Variants in PLEKHM2 observed in about 807,000 individuals in gnomAD.
PLEKHM2 encodes the protein pleckstrin homology domain-containing family M member 2.
In PLEKHM2, 77 loss-of-function variants were observed where a neutral mutation model predicts 116.3. That is an observed-to-expected ratio of 0.66 (90% CI 0.55 to 0.80). PLEKHM2 has a LOEUF of 0.80. PLEKHM2 is among the 30% of genes least tolerant of loss of function. PLEKHM2 has a pLI of 0.00. For missense variants in PLEKHM2, 1,183 were observed against 1,354.9 expected (o/e 0.87, Z 1.99); for synonymous variants, 562 against 571.0 (o/e 0.98, Z 0.22).
upstream of PLEKHM2, among the ~76,000 whole-genome samples, chr1:15,684,128 G>A (rs1391062654): frequency 2.0e-5 from 3 of 150,472 alleles, no homozygotes; most frequent in Non-Finnish European, 3.0e-5. Flanking sequence ...CGTCCCTGGG[G>A]TCTGAGGGTG....
intron 15 of PLEKHM2, 67 bp from the exon 16 acceptor site, chr1:15,731,125 G>A: frequency 8.4e-7 from 1 of 1,190,780 alleles, no homozygotes; most frequent in Non-Finnish European, 1.2e-6. Context: ...GGAACCCTGG[G>A]ACCTGGGCTC....
intron 1 of PLEKHM2, among the ~76,000 whole-genome samples, chr1:15,694,706 C>A (rs1331650525): frequency 1.3e-5 from 2 of 151,998 alleles, no homozygotes; most frequent in Admixed American, 1.3e-4. Flanking sequence ...GCCAGTGAAG[C>A]AGGTGGCCCT....
rs1444303658 is a variant in PLEKHM2, at chr1:15,719,700, C to T, written c.466-34C>T. Reference sequence around the variant, plus strand: ...TGCAGAAGGCCGCTGCACGAGGCCTCCCACCAAACGGGCCTCCTCTACTCT... The same window carrying T: ...TGCAGAAGGCCGCTGCACGAGGCCTTCCACCAAACGGGCCTCCTCTACTCT... On this transcript the variant is annotated intron_variant, in intron 5 of 19. Coordinates refer to ENST00000375799, the MANE Select transcript of PLEKHM2 (RefSeq NM_015164.4). This position sits in a 1 kb window ranked among gnomAD's most constrained non-coding sequence, Gnocchi z 4.1. The T allele has an allele frequency of 4.6e-6, 7 of 1,537,304 alleles. No homozygotes were observed. The highest frequency in any genetic ancestry group is 6.3e-6 in the Non-Finnish European group (7 of 1,116,118).
rs1553158443 is a variant in PLEKHM2 at position 15,701,129 on chromosome 1, A to AG, written c.61-15103dup. ...ACTCTGTCTCAAAAAAAAAAAAAAA[A>AG]GGGGGTGGGGGTATGTTATTAGCTG... On this transcript the variant is annotated intron_variant, in intron 1 of 19. Transcript: ENST00000375799. 1.3e-3 allele frequency among the ~76,000 whole-genome samples: 175 copies of AG among 136,344 alleles called. 1 individual carries two copies. Among genetic ancestry groups the AG allele is most frequent in the African/African-American group, 4.0e-3 (143 of 36,136 alleles). The allele number at this position is 136,344 out of a possible 152,430, so 89.4% of individuals were successfully genotyped here. A position where few individuals can be genotyped will look rare whatever the true frequency, so the allele number is the denominator to read the frequency against.
rs369874310 is a variant in PLEKHM2 at position 15,725,364 on chromosome 1, G to A, written c.760G>A (p.Asp254Asn). ...CAGTGGTCCCCGCTCCACAGCCTCC[G>A]ACCTGACCAGCAGCAAGGCCTCCAC... Reference protein sequence around the residue: ...TVSGPRSTASDLTSSKASTRS... With the variant: ...TVSGPRSTASNLTSSKASTRS... The change falls in exon 8 of 20, where the codon GAC becomes AAC. Residue 254 changes from aspartate (D) to asparagine (N), a missense_variant. Asp to Asn is a conservative substitution (Grantham distance 23). Transcript: ENST00000375799. 29 of 1,551,476 alleles carry A rather than the reference G, an allele frequency of 1.9e-5. No homozygotes were observed. Among genetic ancestry groups the A allele is most frequent in the African/African-American group, 1.2e-4 (9 of 73,152 alleles).
chr1:15,684,938 C>T (rs1640737992), intron 1 of PLEKHM2, among the ~76,000 whole-genome samples: 2 of 152,218 alleles, frequency 1.3e-5, no homozygotes, highest in South Asian at 2.1e-4. Context: ...CCGGGAGCTC[C>T]TGAAGGAACC....
chr1:15,718,068 C>A, intron 4 of PLEKHM2, 76 bp downstream of exon 4: 2 of 896,582 alleles, frequency 2.2e-6, no homozygotes, highest in Non-Finnish European at 3.6e-6. Context: ...TCTTGTCATG[C>A]AGACAGCACA....
At chr1:15,732,783 C>T in intron 19 of PLEKHM2, 55 bp downstream of exon 19, 1 of 1,219,158 alleles carries the variant, frequency 8.2e-7, no homozygotes, top group Non-Finnish European at 1.2e-6. Context: ...GTGGGAGCCA[C>T]TCCCCGGGGA....
At chr1:15,686,647 A>ATTTTT (rs1361252513) in intron 1 of PLEKHM2, among the ~76,000 whole-genome samples, 1,431 of 140,746 alleles carry the variant, frequency 0.01, 57 homozygotes, top group African/African-American at 0.028. Context: ...CACCCGGCTA[A>ATTTTT]ATTTTTTTTT....
At chr1:15,711,788 A>G (rs1641336100) in intron 1 of PLEKHM2, among the ~76,000 whole-genome samples, 1 of 152,070 alleles carries the variant, frequency 6.6e-6, no homozygotes, top group South Asian at 2.1e-4. Flanking sequence ...CGGGGGGGAA[A>G]ATAATATATA....
Position 15,734,071 on chromosome 1 carries a change from C to A in PLEKHM2, c.*137C>A. On this transcript the variant is annotated 3_prime_UTR_variant, in exon 20 of 20. Transcript: ENST00000375799. ...TGGGCGGCAGAACCACCGAGTGTGG[C>A]TTAAGACAGGGTCCCTCCACTCCAG... 1.0e-6 allele frequency: 1 copy of A among 971,962 alleles called. No individual in the cohort carries two copies. Among genetic ancestry groups the A allele is most frequent in the Non-Finnish European group, 1.5e-6 (1 of 677,738 alleles). 60.2% of individuals were successfully genotyped at this position (971,962 alleles called of 1,614,324 possible).
At chr1:15,687,860 A>G (rs1640804672) in intron 1 of PLEKHM2, among the ~76,000 whole-genome samples, 2 of 152,088 alleles carry the variant, frequency 1.3e-5, no homozygotes, top group Admixed American at 6.6e-5. Flanking sequence ...GCATCCTACC[A>G]CCAGTAAATG....
At position 15,728,904 on chromosome 1, in the gene PLEKHM2, T is replaced by C. The variant is rs1246909050; in HGVS notation, c.1986+171T>C. ...ACGATGCTGGGGGTAAGAACCAAGC[T>C]TGAGGTTGCCTCTTCCCGTGCTAGA... On this transcript the variant is annotated intron_variant, in intron 12 of 19. Transcript: ENST00000375799. The surrounding 1 kb of genome is among the most constrained non-coding windows in gnomAD (Gnocchi z 5.9). 2.6e-5 allele frequency among the ~76,000 whole-genome samples: 4 copies of C among 152,174 alleles called. No individual in the cohort carries two copies. Among genetic ancestry groups the C allele is most frequent in the Admixed American group, 2.0e-4 (3 of 15,276 alleles).
In PLEKHM2 at chr1:15,733,630, G is replaced by A. The variant is rs72882184; in HGVS notation, c.2923-167G>A. 0.018 allele frequency among the ~76,000 whole-genome samples: 2,755 copies of A among 152,366 alleles called. 83 individuals are homozygous for A. Among genetic ancestry groups the A allele is most frequent in the African/African-American group, 0.063 (2,606 of 41,584 alleles). On this transcript the variant is annotated intron_variant, in intron 19 of 19. Coordinates refer to ENST00000375799, the MANE Select transcript of PLEKHM2 (RefSeq NM_015164.4). ...CACCCCATCCTCAGCTCAAGCCCCT[G>A]GAAGAGCGGGAGAAACTAGCAGCGT...
chr1:15,684,701 C>G (rs1221610722), intron 1 of PLEKHM2, 83 bp downstream of exon 1: 1 of 431,522 alleles, frequency 2.3e-6, no homozygotes, highest in Non-Finnish European at 3.0e-6. Context: ...CGGGCCGGGG[C>G]CCCCCGCCCT....
At chr1:15,684,710 C>G (rs1190092570) in intron 1 of PLEKHM2, 92 bp downstream of exon 1, 1 of 674,164 alleles carries the variant, frequency 1.5e-6, no homozygotes. Flanking sequence ...GCCCCCCGCC[C>G]TTCCCCTCCG....
At chr1:15,725,570 G>T (rs1041210806) in intron 8 of PLEKHM2, 25 bp downstream of exon 8, 8 of 1,512,278 alleles carry the variant, frequency 5.3e-6, no homozygotes, top group Non-Finnish European at 6.3e-6. Context: ...GCCCAGAAAG[G>T]AGCTGAGGTC....
At position 15,727,864 on chromosome 1, in the gene PLEKHM2, TC is replaced by T. The variant is rs1384323086; in HGVS notation, c.1760+35del. 6.8e-7 allele frequency: 1 copy of T among 1,476,464 alleles called. No homozygotes were observed. The highest frequency in any genetic ancestry group is 2.1e-5 in the Admixed American group (1 of 48,450). The allele number at this position is 1,476,464 out of a possible 1,614,324, so 91.5% of individuals were successfully genotyped here. Reference sequence around the variant, plus strand: ...AGACTCTGCAGCTGGCATGGGACTCTCCCAGCCCTTGAAGCTGGGGACACTG... The same window carrying T: ...AGACTCTGCAGCTGGCATGGGACTCTCCAGCCCTTGAAGCTGGGGACACTG... On this transcript the variant is annotated intron_variant, in intron 9 of 19. Coordinates refer to ENST00000375799, the MANE Select transcript of PLEKHM2 (RefSeq NM_015164.4). This position sits in a 1 kb window ranked among gnomAD's most constrained non-coding sequence, Gnocchi z 7.5.
At position 15,727,842 on chromosome 1, in the gene PLEKHM2, C is replaced by T. The variant is rs1281223984; in HGVS notation, c.1760+10C>T. ...ATTCCTCGGAGTTCAGGTAACAAGACTCTGCAGCTGGCATGGGACTCTCCC... is the reference window on the plus strand; with the variant it reads ...ATTCCTCGGAGTTCAGGTAACAAGATTCTGCAGCTGGCATGGGACTCTCCC... On this transcript the variant is annotated intron_variant, in intron 9 of 19. Coordinates refer to ENST00000375799, the MANE Select transcript of PLEKHM2 (RefSeq NM_015164.4). This position sits in a 1 kb window ranked among gnomAD's most constrained non-coding sequence, Gnocchi z 7.5. The T allele has an allele frequency of 3.2e-6, 5 of 1,542,924 alleles. No homozygotes were observed. The East Asian group carries it at 7.1e-5, about 22-fold the overall frequency.
Sources: gnomAD v4.1 joint callset for allele counts (sites outside exome capture counted in the v4.1 genomes callset) on GRCh38, gnomAD v4.1.1 for gene constraint, Gnocchi (gnomAD v3.1) non-coding constraint, MANE v1.5 for transcripts, NCBI Gene and HGNC (gene_info 2026-07-23, HGNC 2026-07-21) for gene names.